Variants in ADGRL3 observed in about 807,000 individuals in gnomAD.
ADGRL3 encodes adhesion G protein-coupled receptor L3.
A neutral mutation model predicts 153.5 loss-of-function variants in ADGRL3; 62 were observed. The observed-to-expected ratio is 0.40, with a 90% CI of 0.33 to 0.50. The LOEUF (loss-of-function observed/expected upper bound fraction) is 0.50. Ranked by LOEUF, ADGRL3 falls within the 20% of genes least tolerant of loss-of-function variation. The pLI is 0.47. For missense variants in ADGRL3, 1,641 were observed against 1,859.4 expected (o/e 0.88, Z 2.16); for synonymous variants, 710 against 672.5 (o/e 1.06, Z -0.86).
chr4:61,899,334 C>T (rs1163783324), intron 11 of ADGRL3, among the ~76,000 whole-genome samples: 2 of 151,990 alleles, frequency 1.3e-5, no homozygotes, highest in South Asian at 2.1e-4. Flanking sequence ...TACCTCTTTC[C>T]ATTTCTGCAA....
Position 61,442,453 on chromosome 4 carries a change from T to C in ADGRL3, c.-173-54668T>C, listed in dbSNP as rs193220896. ...TGCAAGTAAAGAGGTGACAATCATATTGTGACACACTGTAATTGTTAGATT... is the reference window on the plus strand; with the variant it reads ...TGCAAGTAAAGAGGTGACAATCATACTGTGACACACTGTAATTGTTAGATT... On this transcript the variant is annotated intron_variant, in intron 2 of 26. Transcript: ENST00000683033. Among the ~76,000 whole-genome samples, 144 of 152,268 alleles carry C rather than the reference T, an allele frequency of 9.5e-4. 2 individuals carry two copies. In the Middle Eastern group the frequency reaches 0.014, roughly 14 times the overall value.
intron 25 of ADGRL3, among the ~76,000 whole-genome samples, chr4:62,063,918 A>G (rs1401320843): frequency 6.6e-6 from 1 of 152,038 alleles, no homozygotes; most frequent in Non-Finnish European, 1.5e-5. Context: ...CTTGTTGTTC[A>G]TTTATTTTTA....
chr4:61,813,599 G>T (rs2097654806), intron 8 of ADGRL3, among the ~76,000 whole-genome samples: 1 of 152,008 alleles, frequency 6.6e-6, no homozygotes, highest in African/African-American at 2.4e-5. Context: ...AAAAAAAGAA[G>T]AAACATAACT....
intron 9 of ADGRL3, among the ~76,000 whole-genome samples, chr4:61,852,705 A>T (rs1011838141): frequency 2.6e-5 from 4 of 152,196 alleles, no homozygotes; most frequent in African/African-American, 9.6e-5. Context: ...TTTAGTTAGA[A>T]TGTGTAAAAT....
chr4:61,387,703 T>A (rs1039995256), intron 2 of ADGRL3, among the ~76,000 whole-genome samples: 3 of 152,190 alleles, frequency 2.0e-5, no homozygotes, highest in Non-Finnish European at 4.4e-5. Flanking sequence ...GTTATCCTGT[T>A]CTTTTTTCAA....
At chr4:61,530,955 T>A (rs537001755) in intron 4 of ADGRL3, among the ~76,000 whole-genome samples, 1 of 152,210 alleles carries the variant, frequency 6.6e-6, no homozygotes, top group East Asian at 1.9e-4. Flanking sequence ...GGTAAGGACC[T>A]GTGCTCTATT....
At chr4:61,395,948 C>G (rs1298742203) in intron 2 of ADGRL3, among the ~76,000 whole-genome samples, 1 of 151,792 alleles carries the variant, frequency 6.6e-6, no homozygotes, top group African/African-American at 2.4e-5. Flanking sequence ...TGCTAATTGA[C>G]AAACAAGGAA....
At chr4:62,063,654 A>C in intron 25 of ADGRL3, 2 of 655,600 alleles carry the variant, frequency 3.1e-6, no homozygotes, top group Non-Finnish European at 5.5e-6. Context: ...GTTTATCTTA[A>C]TTTTTTCAAG....
At chr4:61,555,663 A>G (rs2148885455) in intron 4 of ADGRL3, among the ~76,000 whole-genome samples, 1 of 152,288 alleles carries the variant, frequency 6.6e-6, no homozygotes, top group African/African-American at 2.4e-5. Context: ...GTAAAGTGAA[A>G]ACAAGTTTAT....
chr4:61,484,353 C>G (rs1230316822), intron 2 of ADGRL3, among the ~76,000 whole-genome samples: 1 of 152,146 alleles, frequency 6.6e-6, no homozygotes, highest in African/African-American at 2.4e-5. Context: ...TCTTCTTATC[C>G]TGGAAGTTGG....
intron 5 of ADGRL3, among the ~76,000 whole-genome samples, chr4:61,615,019 G>T: frequency 6.6e-6 from 1 of 151,968 alleles, no homozygotes; most frequent in Non-Finnish European, 1.5e-5. Context: ...TTCTCACTGG[G>T]ACAAAAATAA....
intron 1 of ADGRL3, among the ~76,000 whole-genome samples, chr4:61,219,771 A>G (rs1004260755): frequency 1.3e-5 from 2 of 152,162 alleles, no homozygotes; most frequent in African/African-American, 4.8e-5. Context: ...ACATTCTGCC[A>G]TGACTTTCGA....
intron 3 of ADGRL3, among the ~76,000 whole-genome samples, chr4:61,502,753 A>G (rs2098400512): frequency 6.6e-6 from 1 of 152,182 alleles, no homozygotes; most frequent in African/African-American, 2.4e-5. Context: ...TGAAACTTGA[A>G]AAAGTACAAA....
At chr4:61,804,720 A>G (rs1422830181) in intron 8 of ADGRL3, among the ~76,000 whole-genome samples, 1 of 152,054 alleles carries the variant, frequency 6.6e-6, no homozygotes, top group Non-Finnish European at 1.5e-5. Context: ...AAGAATGCCT[A>G]TTGGCCATTA....
chr4:61,999,555 A>G (rs2099133406), intron 21 of ADGRL3, among the ~76,000 whole-genome samples: 1 of 152,172 alleles, frequency 6.6e-6, no homozygotes, highest in Admixed American at 6.5e-5. Flanking sequence ...CTTTTACTTA[A>G]ATGAATGTAT....
At chr4:61,348,592 C>T (rs923891519) in intron 1 of ADGRL3, among the ~76,000 whole-genome samples, 1 of 151,922 alleles carries the variant, frequency 6.6e-6, no homozygotes, top group African/African-American at 2.4e-5. Flanking sequence ...TAAATTTTTA[C>T]AAGACAGAAT....
chr4:61,805,450 G>C (rs1308870735), intron 8 of ADGRL3, among the ~76,000 whole-genome samples: 1 of 152,128 alleles, frequency 6.6e-6, no homozygotes. Context: ...CCTCTTTGTT[G>C]TGACTTCCCT....
intron 5 of ADGRL3, among the ~76,000 whole-genome samples, chr4:61,674,594 A>T (rs945900200): frequency 4.6e-5 from 7 of 151,794 alleles, no homozygotes; most frequent in Non-Finnish European, 8.9e-5. Flanking sequence ...ATTATATTAA[A>T]TTTTATAGTG....
rs2097817984 is a variant in ADGRL3, at chr4:61,461,494, A to G, written c.-173-35627A>G. Among the ~76,000 whole-genome samples the G allele has an allele frequency of 3.9e-5, 6 of 152,280 alleles. No individual in the cohort carries two copies. In the South Asian group the frequency reaches 1.2e-3, roughly 32 times the overall value. On this transcript the variant is annotated intron_variant, in intron 2 of 26. Transcript: ENST00000683033. ...AAAATAACATATATACTCTCTAAAT[A>G]TGTACAATTATTTTGTATCAATAAA...
Sources: gnomAD v4.1 joint callset for allele counts (sites outside exome capture counted in the v4.1 genomes callset) on GRCh38, gnomAD v4.1.1 for gene constraint, MANE v1.5 for transcripts, NCBI Gene and HGNC (gene_info 2026-07-23, HGNC 2026-07-21) for gene names.